The following PTPRF variants were observed in gnomAD, a reference collection of about 807,000 sequenced individuals.
PTPRF encodes the protein protein tyrosine phosphatase receptor type F.
In PTPRF, 59 loss-of-function variants were observed where a neutral mutation model predicts 201.8. That is an observed-to-expected ratio of 0.29 (90% CI 0.24 to 0.36). The LOEUF (loss-of-function observed/expected upper bound fraction) is 0.36. PTPRF is among the 10% of genes least tolerant of loss of function. PTPRF has a pLI of 1.00. For synonymous variants in PTPRF, 1,088 were observed against 1,089.7 expected, an observed-to-expected ratio of 1.00 and a Z score of 0.03; for missense variants, 2,132 against 2,690.5, an observed-to-expected ratio of 0.79 and a Z score of 4.59.
At chr1:43,547,684 G>A (rs2782641) in intron 3 of PTPRF, among the ~76,000 whole-genome samples, 100,008 of 152,194 alleles carry the variant, frequency 0.66, 33,106 homozygotes, top group South Asian at 0.83. Context: ...GCCTCTTAAC[G>A]AGACAAATGA....
At chr1:43,525,862 T>G, upstream of PTPRF, among the ~76,000 whole-genome samples, 1 of 139,892 alleles carries the variant, frequency 7.1e-6, no homozygotes, top group East Asian at 2.2e-4. Flanking sequence ...AAAGCAGGGT[T>G]GTGGTGGGTT....
chr1:43,570,234 T>C (rs1646476000), intron 6 of PTPRF, among the ~76,000 whole-genome samples: 1 of 152,180 alleles, frequency 6.6e-6, no homozygotes, highest in African/African-American at 2.4e-5. Context: ...TAAGGGGACT[T>C]GCTGTTGTCC....
At chr1:43,527,807 AG>A (rs1174131060), upstream of PTPRF, among the ~76,000 whole-genome samples, 7 of 152,146 alleles carry the variant, frequency 4.6e-5, no homozygotes, top group Admixed American at 4.6e-4. Flanking sequence ...GAACACCACG[AG>A]CCCCTCTTCT....
chr1:43,617,026 A>G (rs1462373230), intron 23 of PTPRF, among the ~76,000 whole-genome samples: 1 of 152,060 alleles, frequency 6.6e-6, no homozygotes, highest in South Asian at 2.1e-4. Context: ...CATCCCTTCC[A>G]TCTGTCCTGG....
At position 43,546,554 on chromosome 1, in the gene PTPRF, C is replaced by T. The variant is rs1644686777; in HGVS notation, c.91+1388C>T. On this transcript the variant is annotated intron_variant, in intron 3 of 33. Transcript: ENST00000359947. The surrounding 1 kb of genome is among the most constrained non-coding windows in gnomAD (Gnocchi z 4.2). Reference sequence around the variant, plus strand: ...TCAGTAGCTCTTGGACATTGAAGTACTGTCCTTGCCCTCCCCGCCGACCCA... The same window carrying T: ...TCAGTAGCTCTTGGACATTGAAGTATTGTCCTTGCCCTCCCCGCCGACCCA... Among the ~76,000 whole-genome samples, 1 of 152,132 alleles carries T rather than the reference C, an allele frequency of 6.6e-6. No individual in the cohort carries two copies. The highest frequency in any genetic ancestry group is 6.5e-5 in the Admixed American group (1 of 15,284).
intron 6 of PTPRF, among the ~76,000 whole-genome samples, chr1:43,573,300 G>C (rs139437890): frequency 5.3e-4 from 80 of 152,306 alleles, no homozygotes; most frequent in Non-Finnish European, 9.6e-4. Context: ...AGCCTGGACA[G>C]GGCTTGAGGA....
At chr1:43,531,266 C>G in intron 1 of PTPRF, among the ~76,000 whole-genome samples, 176 bp downstream of exon 1, 1 of 149,292 alleles carries the variant, frequency 6.7e-6, no homozygotes, top group South Asian at 2.1e-4. Flanking sequence ...GCGAAGCCCC[C>G]CCTCCACGCC....
At chr1:43,544,745 C>G (rs149947515) in intron 2 of PTPRF, among the ~76,000 whole-genome samples, 8 of 152,326 alleles carry the variant, frequency 5.3e-5, no homozygotes, top group Non-Finnish European at 8.8e-5. Flanking sequence ...ACTCCCTGTA[C>G]CTCCTACTCA....
chr1:43,573,554 G>T lies in PTPRF; in HGVS notation c.568+3776G>T, dbSNP rs1570154229. ...TGCTGGCTGGCCCCAGCTCTGGCTG[G>T]AAGAGCCTGTCCCCACCCCACTCTG... On this transcript the variant is annotated intron_variant, in intron 6 of 33. Transcript: ENST00000359947. Among the ~76,000 whole-genome samples the T allele has an allele frequency of 2.6e-5, 4 of 152,340 alleles. No individual in the cohort carries two copies. The South Asian group carries it at 8.3e-4, about 32-fold the overall frequency.
At chr1:43,593,383 T>C (rs1651376795) in intron 11 of PTPRF, among the ~76,000 whole-genome samples, 1 of 152,126 alleles carries the variant, frequency 6.6e-6, no homozygotes, top group Non-Finnish European at 1.5e-5. Context: ...GTAACCGTAT[T>C]TGTGGGTCTC....
chr1:43,576,132 C>T (rs1461779561), intron 6 of PTPRF, among the ~76,000 whole-genome samples: 1 of 152,226 alleles, frequency 6.6e-6, no homozygotes, highest in East Asian at 1.9e-4. Context: ...CATTGCAAGT[C>T]TGAATTGTGA....
At position 43,553,945 on chromosome 1, in the gene PTPRF, C is replaced by G; in HGVS notation, c.379+4C>G. On this transcript the variant is annotated splice_donor_region_variant and intron_variant, in intron 5 of 33. Coordinates refer to ENST00000359947, the MANE Select transcript of PTPRF (RefSeq NM_002840.5). This position sits in a 1 kb window ranked among gnomAD's most constrained non-coding sequence, Gnocchi z 4.1. ...GCCAAGCTCTCAGTGCTCGAAGGTA[C>G]GTGCTAGGGAGACGTGGCACGGTGG... 6.2e-7 allele frequency: 1 copy of G among 1,613,448 alleles called. No homozygotes were observed. The highest frequency in any genetic ancestry group is 8.5e-7 in the Non-Finnish European group (1 of 1,179,532).
rs536565110 is a variant in PTPRF at position 43,560,033 on chromosome 1, G to A, written c.379+6092G>A. Among the ~76,000 whole-genome samples, 49 of 150,654 alleles carry A rather than the reference G, an allele frequency of 3.3e-4. 1 individual carries two copies. Among genetic ancestry groups the A allele is most frequent in the Middle Eastern group, 7.2e-3 (2 of 276 alleles). ...TATGTATCAGGCAGTGTGTGTGTGCGCAGCGGGTAGTTTGCAGGGGTGTAC... is the reference window on the plus strand; with the variant it reads ...TATGTATCAGGCAGTGTGTGTGTGCACAGCGGGTAGTTTGCAGGGGTGTAC... On this transcript the variant is annotated intron_variant, in intron 5 of 33. Coordinates refer to ENST00000359947, the MANE Select transcript of PTPRF (RefSeq NM_002840.5).
At chr1:43,557,115 C>T (rs1013152895) in intron 5 of PTPRF, among the ~76,000 whole-genome samples, 48 of 152,208 alleles carry the variant, frequency 3.2e-4, no homozygotes, top group African/African-American at 8.7e-4. Context: ...TGGGAGGTGG[C>T]TGAAGGACCA....
rs146804143 is a variant in PTPRF at position 43,606,880 on chromosome 1, G to A, written c.3769G>A (p.Glu1257Lys). 14 of 1,614,074 alleles carry A rather than the reference G, an allele frequency of 8.7e-6. No individual in the cohort carries two copies. The highest frequency in any genetic ancestry group is 2.7e-5 in the African/African-American group (2 of 74,942). The part of the protein sequence containing the change: ...VVQVTPAQQQ[E>K]EPEMLWVTGP... ...CCAGGTGACACCAGCCCAGCAGCAG[G>A]AGGAGCCGGAGATGCTGTGGGTGAC... The change falls in exon 21 of 34, where the codon GAG becomes AAG. Residue 1257 changes from glutamate (E) to lysine (K), a missense_variant. Physicochemically the swap from Glu to Lys is moderately conservative, Grantham distance 56. Coordinates refer to ENST00000359947, the MANE Select transcript of PTPRF (RefSeq NM_002840.5).
intron 13 of PTPRF, among the ~76,000 whole-genome samples, chr1:43,599,232 C>T (rs952013168): frequency 2.6e-5 from 4 of 152,144 alleles, no homozygotes; most frequent in Admixed American, 6.5e-5. Flanking sequence ...TCTGCCACTG[C>T]GCCTAGCCAA....
At chr1:43,596,371 G>A (rs931501838) in intron 11 of PTPRF, among the ~76,000 whole-genome samples, 8 of 152,142 alleles carry the variant, frequency 5.3e-5, no homozygotes, top group African/African-American at 1.9e-4. Context: ...TCTGGGGCCA[G>A]TGGGTCAAGG....
At position 43,542,727 on chromosome 1, in the gene PTPRF, C is replaced by T. The variant is rs1644432444; in HGVS notation, c.-45-2304C>T. On this transcript the variant is annotated intron_variant, in intron 2 of 33. Transcript: ENST00000359947. The surrounding 1 kb of genome is among the most constrained non-coding windows in gnomAD (Gnocchi z 5.2). ...AGCTGCACTCCATGATGTCTGTACC[C>T]TCTGTGTCCGCCCACGTGATGTCTA... is the stretch of plus-strand genomic sequence containing the variant. 1.3e-5 allele frequency among the ~76,000 whole-genome samples: 2 copies of T among 152,106 alleles called. No individual in the cohort carries two copies. The highest frequency in any genetic ancestry group is 2.9e-5 in the Non-Finnish European group (2 of 68,002).
Position 43,619,088 on chromosome 1 carries a change from T to G in PTPRF, c.4532T>G (p.Phe1511Cys), listed in dbSNP as rs1176281524. The change falls in exon 27 of 34, where the codon TTC becomes TGC. Residue 1511 changes from phenylalanine (F) to cysteine (C), a missense_variant. Physicochemically the swap from Phe to Cys is radical, Grantham distance 205. Coordinates refer to ENST00000359947, the MANE Select transcript of PTPRF (RefSeq NM_002840.5). Reference protein sequence around the residue: ...SEKRELRQFQFMAWPDHGVPE... With the variant: ...SEKRELRQFQCMAWPDHGVPE... ...AAGCGCGAGCTGCGTCAGTTTCAGTTCATGGCCTGGCCAGACCATGGAGTT... is the reference window on the plus strand; with the variant it reads ...AAGCGCGAGCTGCGTCAGTTTCAGTGCATGGCCTGGCCAGACCATGGAGTT... 6.2e-7 allele frequency: 1 copy of G among 1,613,890 alleles called. No homozygotes were observed. Among genetic ancestry groups the G allele is most frequent in the African/African-American group, 1.3e-5 (1 of 74,878 alleles).
Sources: allele counts gnomAD v4.1 joint callset (sites outside exome capture counted in the v4.1 genomes callset), GRCh38; gene constraint gnomAD v4.1.1; non-coding constraint Gnocchi (gnomAD v3.1); transcripts MANE v1.5; gene names NCBI Gene and HGNC (gene_info 2026-07-23, HGNC 2026-07-21).